The following DIS3L2 variants were observed in gnomAD, a reference collection of about 807,000 sequenced individuals.
DIS3L2 encodes DIS3 like 3'-5' exoribonuclease 2, also known as DIS3-like exonuclease 2.
DIS3L2 carries 34 observed loss-of-function variants against 97.5 expected under a neutral mutation model. That is an observed-to-expected ratio of 0.35 (90% CI 0.27 to 0.46). The LOEUF is 0.46. Among genes scored for constraint, DIS3L2 ranks in the 20% least tolerant of loss-of-function variants. The pLI is 1.00. For missense variants in DIS3L2, 1,038 were observed against 1,146.0 expected, an observed-to-expected ratio of 0.91 and a Z score of 1.36; for synonymous variants, 435 against 445.2, an observed-to-expected ratio of 0.98 and a Z score of 0.29.
chr2:231,978,900 C>G (rs1019556090), intron 1 of DIS3L2: 3 of 152,130 alleles, frequency 2.0e-5, no homozygotes, highest in African/African-American at 7.2e-5. Context: ...ATTTCTTTTA[C>G]CTGTTTTTAC....
At chr2:232,061,283 A>G (rs992887888) in intron 5 of DIS3L2, among the ~76,000 whole-genome samples, 10 of 152,176 alleles carry the variant, frequency 6.6e-5, no homozygotes, top group African/African-American at 2.2e-4. Context: ...TCTTTTTCCT[A>G]GTTGATGAAA....
At chr2:232,333,107 C>G (rs1695796813) in intron 16 of DIS3L2, among the ~76,000 whole-genome samples, 1 of 151,742 alleles carries the variant, frequency 6.6e-6, no homozygotes, top group African/African-American at 2.4e-5. Flanking sequence ...TCTTCCTCCT[C>G]CTCATTGTCC....
At chr2:232,120,826 T>C (rs2106341159) in intron 6 of DIS3L2, among the ~76,000 whole-genome samples, 1 of 152,254 alleles carries the variant, frequency 6.6e-6, no homozygotes, top group East Asian at 1.9e-4. Context: ...TTCGATACAA[T>C]GAAGTTGGCG....
intron 1 of DIS3L2, among the ~76,000 whole-genome samples, chr2:231,978,277 G>A (rs562354033): frequency 1.4e-4 from 22 of 152,284 alleles, no homozygotes; most frequent in African/African-American, 4.3e-4. Flanking sequence ...GAAGATCTCC[G>A]TGCCTTTCTC....
chr2:232,167,783 C>T (rs935998701), intron 9 of DIS3L2, among the ~76,000 whole-genome samples: 3 of 152,210 alleles, frequency 2.0e-5, no homozygotes, highest in African/African-American at 7.2e-5. Flanking sequence ...GGCACATTGG[C>T]TCACACCTGT....
chr2:232,301,696 G>A (rs4973518), intron 14 of DIS3L2, among the ~76,000 whole-genome samples: 34,591 of 152,014 alleles, frequency 0.23, 5,736 homozygotes, highest in East Asian at 0.5. Context: ...CTGCTCTTTG[G>A]GAAAAGGTTG....
chr2:232,171,266 C>T (rs1248718080), intron 9 of DIS3L2, among the ~76,000 whole-genome samples: 1 of 152,142 alleles, frequency 6.6e-6, no homozygotes, highest in Non-Finnish European at 1.5e-5. Flanking sequence ...TTTTGGAAAA[C>T]AGTGTGTTAA....
chr2:232,069,661 C>T (rs1695954744), intron 5 of DIS3L2, among the ~76,000 whole-genome samples: 1 of 152,088 alleles, frequency 6.6e-6, no homozygotes, highest in African/African-American at 2.4e-5. Context: ...AAGAGCTTAT[C>T]GGGTTTTGTT....
chr2:232,079,105 C>G (rs1166276716), intron 5 of DIS3L2, among the ~76,000 whole-genome samples: 1 of 152,196 alleles, frequency 6.6e-6, no homozygotes, highest in Non-Finnish European at 1.5e-5. Context: ...CTGAACAAAT[C>G]ATTTCCTAAT....
chr2:232,333,379 C>G (rs1695828466), intron 16 of DIS3L2, among the ~76,000 whole-genome samples: 1 of 151,670 alleles, frequency 6.6e-6, no homozygotes, highest in African/African-American at 2.4e-5. Context: ...AGTAGCAGCC[C>G]CGGCCCCATG....
chr2:232,162,431 G>A (rs1258299206), intron 8 of DIS3L2, among the ~76,000 whole-genome samples: 1 of 152,232 alleles, frequency 6.6e-6, no homozygotes, highest in Non-Finnish European at 1.5e-5. Flanking sequence ...TTTGTTAAAA[G>A]TCTGCTTATG....
At chr2:231,983,602 G>A (rs186225033) in intron 1 of DIS3L2, among the ~76,000 whole-genome samples, 11 of 152,228 alleles carry the variant, frequency 7.2e-5, no homozygotes, top group Admixed American at 6.5e-4. Flanking sequence ...AATGCCTGAT[G>A]ATTGAGGGCC....
chr2:232,156,390 T>C (rs1032685229), intron 8 of DIS3L2, among the ~76,000 whole-genome samples: 4 of 152,168 alleles, frequency 2.6e-5, no homozygotes, highest in Non-Finnish European at 5.9e-5. Flanking sequence ...TTTTGGGAGT[T>C]CTTGAGAGTA....
intron 10 of DIS3L2, among the ~76,000 whole-genome samples, chr2:232,224,385 A>T (rs1692584366): frequency 6.6e-6 from 1 of 152,242 alleles, no homozygotes. Context: ...TGAAAGTAAC[A>T]CATTAGCACT....
At chr2:232,036,795 C>G (rs1694961805) in intron 5 of DIS3L2, among the ~76,000 whole-genome samples, 1 of 152,190 alleles carries the variant, frequency 6.6e-6, no homozygotes, top group Non-Finnish European at 1.5e-5. Flanking sequence ...TGCAGGTCTG[C>G]TGGAGTTTGC....
At chr2:232,314,163 G>T (rs575495036) in intron 14 of DIS3L2, among the ~76,000 whole-genome samples, 1 of 152,314 alleles carries the variant, frequency 6.6e-6, no homozygotes, top group East Asian at 1.9e-4. Context: ...CTCAGCACCG[G>T]CCCAGCACCC....
At chr2:232,077,074 T>G (rs1696212679) in intron 5 of DIS3L2, among the ~76,000 whole-genome samples, 1 of 152,148 alleles carries the variant, frequency 6.6e-6, no homozygotes, top group Admixed American at 6.5e-5. Context: ...TTAGTTCTGT[T>G]CCTTTAAGTG....
At chr2:232,225,903 G>A (rs1692632396) in intron 10 of DIS3L2, among the ~76,000 whole-genome samples, 1 of 152,038 alleles carries the variant, frequency 6.6e-6, no homozygotes, top group South Asian at 2.1e-4. Context: ...AAATAAACTA[G>A]GTGAAAGAAG....
At chr2:232,042,449 A>G (rs1217671655) in intron 5 of DIS3L2, among the ~76,000 whole-genome samples, 1 of 152,118 alleles carries the variant, frequency 6.6e-6, no homozygotes, top group Non-Finnish European at 1.5e-5. Flanking sequence ...CTTGGCCTGC[A>G]TGGCAGGCCT....
Sources: allele counts gnomAD v4.1 joint callset (sites outside exome capture counted in the v4.1 genomes callset), GRCh38; gene constraint gnomAD v4.1.1; transcripts MANE v1.5; gene names NCBI Gene and HGNC (gene_info 2026-07-23, HGNC 2026-07-21).